The following DENND2B variants were observed in gnomAD, a reference collection of about 807,000 sequenced individuals.
DENND2B encodes DENN domain-containing protein 2B.
DENND2B carries 32 observed loss-of-function variants against 116.0 expected under a neutral mutation model. The ratio of observed to expected loss-of-function variants is 0.28; its 90% CI spans 0.21 to 0.37. DENND2B has a LOEUF of 0.37. Ranked by LOEUF, DENND2B falls within the 10% of genes least tolerant of loss-of-function variation. The pLI, the probability that DENND2B is intolerant of heterozygous loss-of-function variation, is 1.00. For synonymous variants in DENND2B, 588 were observed against 583.9 expected, an observed-to-expected ratio of 1.01 and a Z score of -0.10; for missense variants, 1,276 against 1,477.7, an observed-to-expected ratio of 0.86 and a Z score of 2.24.
chr11:8,718,564 A>G (rs2045537439), intron 4 of DENND2B: 1 of 1,402,482 alleles, frequency 7.1e-7, no homozygotes, highest in East Asian at 2.6e-5. Flanking sequence ...TGTAGTGTCT[A>G]TTCCCTCTAC....
intron 1 of DENND2B, among the ~76,000 whole-genome samples, chr11:8,802,121 C>T (rs1377488522): frequency 6.6e-6 from 1 of 151,100 alleles, no homozygotes; most frequent in Non-Finnish European, 1.5e-5. Context: ...GCTAATATGG[C>T]GAAACCCCAT....
intron 4 of DENND2B, among the ~76,000 whole-genome samples, chr11:8,829,200 T>C (rs989240554): frequency 1.3e-5 from 2 of 151,684 alleles, no homozygotes; most frequent in Non-Finnish European, 2.9e-5. Flanking sequence ...GTGTGTGGTA[T>C]GTGTGTGCAT....
chr11:8,830,913 A>G (rs1299344585), intron 4 of DENND2B: 3 of 152,330 alleles, frequency 2.0e-5, no homozygotes, highest in Non-Finnish European at 2.9e-5. Context: ...AAAGAGACAC[A>G]TAAGAAAGAA....
At chr11:8,872,585 C>A (rs759713224), upstream of DENND2B, among the ~76,000 whole-genome samples, 64 of 151,706 alleles carry the variant, frequency 4.2e-4, 1 homozygote, top group Admixed American at 1.9e-3. Flanking sequence ...CTGATAAAGT[C>A]TACTGTTCCT....
chr11:8,731,741 C>A (rs563250792), intron 2 of DENND2B, among the ~76,000 whole-genome samples: 1 of 152,120 alleles, frequency 6.6e-6, no homozygotes, highest in Non-Finnish European at 1.5e-5. Flanking sequence ...TCTGAACAAC[C>A]GGCTCTCTAG....
At chr11:8,894,138 G>A (rs1485952699) in intron 1 of DENND2B, among the ~76,000 whole-genome samples, 1 of 152,120 alleles carries the variant, frequency 6.6e-6, no homozygotes, top group South Asian at 2.1e-4. Context: ...ACAAAAACAA[G>A]AAATGGGGAA....
chr11:8,741,080 T>C (rs1291815633), intron 2 of DENND2B, among the ~76,000 whole-genome samples: 2 of 152,210 alleles, frequency 1.3e-5, no homozygotes, highest in Non-Finnish European at 2.9e-5. Context: ...CTCAAACAGT[T>C]GTGAGCCCTC....
At chr11:8,742,063 T>A (rs1309747123) in intron 2 of DENND2B, among the ~76,000 whole-genome samples, 1 of 152,136 alleles carries the variant, frequency 6.6e-6, no homozygotes, top group East Asian at 1.9e-4. Context: ...GCTAATTTTA[T>A]TATTATTACT....
intron 3 of DENND2B, among the ~76,000 whole-genome samples, chr11:8,845,592 T>C (rs1199993345): frequency 1.3e-5 from 2 of 152,196 alleles, no homozygotes; most frequent in African/African-American, 4.8e-5. Flanking sequence ...CTTTCACACA[T>C]CAGGCACACA....
chr11:8,734,007 C>T (rs1158703224), intron 2 of DENND2B, among the ~76,000 whole-genome samples: 1 of 152,156 alleles, frequency 6.6e-6, no homozygotes, highest in African/African-American at 2.4e-5. Context: ...AGGCCAGGCC[C>T]AGTGCACTGT....
chr11:8,756,850 A>G (rs1034931896), intron 1 of DENND2B, among the ~76,000 whole-genome samples: 1 of 152,240 alleles, frequency 6.6e-6, no homozygotes, highest in African/African-American at 2.4e-5. Context: ...GCAGAGACTC[A>G]AGCATGATGA....
intron 1 of DENND2B, among the ~76,000 whole-genome samples, chr11:8,897,058 G>T (rs1361133646): frequency 2.6e-5 from 4 of 151,960 alleles, no homozygotes; most frequent in South Asian, 2.1e-4. Flanking sequence ...GGCCAACATG[G>T]CGAAGCCCAT....
chr11:8,903,234 G>A (rs1265404130), intron 1 of DENND2B, among the ~76,000 whole-genome samples: 1 of 151,978 alleles, frequency 6.6e-6, no homozygotes, highest in African/African-American at 2.4e-5. Context: ...CCAACATGGT[G>A]AAACCCTGTC....
At chr11:8,760,743 T>A (rs185491848) in intron 1 of DENND2B, among the ~76,000 whole-genome samples, 38 of 152,304 alleles carry the variant, frequency 2.5e-4, no homozygotes, top group African/African-American at 2.2e-4. Context: ...AAATCTTAGA[T>A]CTTCTCCATT....
intron 3 of DENND2B, among the ~76,000 whole-genome samples, chr11:8,848,699 A>C (rs2062894927): frequency 6.6e-6 from 1 of 152,232 alleles, no homozygotes; most frequent in African/African-American, 2.4e-5. Flanking sequence ...GAAGCAGATT[A>C]AGAATATATG....
At chr11:8,862,820 C>T (rs2063442779) in intron 2 of DENND2B, among the ~76,000 whole-genome samples, 1 of 152,138 alleles carries the variant, frequency 6.6e-6, no homozygotes, top group Non-Finnish European at 1.5e-5. Flanking sequence ...ATCCTGAGAT[C>T]TACCCCAGCC....
chr11:8,875,912 T>C (rs1285067351), upstream of DENND2B, among the ~76,000 whole-genome samples: 2 of 152,180 alleles, frequency 1.3e-5, no homozygotes, highest in Non-Finnish European at 2.9e-5. Context: ...TGAGTCCCCA[T>C]ACAGCATTCT....
chr11:8,736,286 G>C lies in DENND2B; in HGVS notation c.81-5077C>G, dbSNP rs548005143. The stretch of plus-strand genomic sequence containing the variant: ...GGACTGCTAGAGCCTGGGAGGTCAA[G>C]GCTGCAGCAAGCCACAATCATACCA... On this transcript the variant is annotated intron_variant, in intron 2 of 19. Coordinates refer to ENST00000313726, the MANE Select transcript of DENND2B (RefSeq NM_213618.2). Among the ~76,000 whole-genome samples the C allele has an allele frequency of 5.3e-5, 8 of 152,220 alleles. No individual in the cohort carries two copies. In the East Asian group the frequency reaches 1.5e-3, roughly 29 times the overall value.
At chr11:8,774,310 G>C (rs1255707733) in intron 1 of DENND2B, 3 of 985,308 alleles carry the variant, frequency 3.0e-6, no homozygotes, top group Non-Finnish European at 3.6e-6. Context: ...TCACCTGAAA[G>C]GCTGAAGGCT....
Sources: allele counts gnomAD v4.1 joint callset (sites outside exome capture counted in the v4.1 genomes callset), GRCh38; gene constraint gnomAD v4.1.1; transcripts MANE v1.5; gene names NCBI Gene and HGNC (gene_info 2026-07-23, HGNC 2026-07-21).